The following FLVCR2 variants were observed in gnomAD, a reference collection of about 807,000 sequenced individuals.
FLVCR2 encodes choline/ethanolamine transporter FLVCR2.
FLVCR2 carries 38 observed loss-of-function variants against 48.9 expected under a neutral mutation model. The observed-to-expected ratio is 0.78, with a 90% confidence interval of 0.60 to 1.02. FLVCR2 has a LOEUF of 1.02. Ranked by LOEUF, FLVCR2 falls within the 50% of genes least tolerant of loss-of-function variation. The pLI, the probability that FLVCR2 is intolerant of heterozygous loss-of-function variation, is 0.00. For missense variants in FLVCR2, 664 were observed against 663.3 expected, an observed-to-expected ratio of 1.00 and a Z score of -0.01; for synonymous variants, 255 against 257.0, an observed-to-expected ratio of 0.99 and a Z score of 0.07.
At chr14:75,613,175 A>G (rs2140029003) in intron 1 of FLVCR2, among the ~76,000 whole-genome samples, 1 of 152,296 alleles carries the variant, frequency 6.6e-6, no homozygotes, top group East Asian at 1.9e-4. Context: ...CTATAAAGGA[A>G]TATCTGAGGC....
chr14:75,632,526 G>A (rs192438092), intron 3 of FLVCR2: 6 of 668,446 alleles, frequency 9.0e-6, no homozygotes, highest in South Asian at 4.8e-5. Context: ...AAGCCAGGGT[G>A]GTTGCCATAC....
At chr14:75,593,976 T>C (rs1888955729) in intron 1 of FLVCR2, among the ~76,000 whole-genome samples, 1 of 152,268 alleles carries the variant, frequency 6.6e-6, no homozygotes, top group African/African-American at 2.4e-5. Flanking sequence ...TTTTACTATA[T>C]GTGCTTCAAA....
At chr14:75,581,333 T>A (rs1319168118) in intron 1 of FLVCR2, among the ~76,000 whole-genome samples, 2 of 152,200 alleles carry the variant, frequency 1.3e-5, no homozygotes, top group Non-Finnish European at 2.9e-5. Flanking sequence ...GCATAATTAC[T>A]TGTTTGTTTG....
chr14:75,598,153 T>C lies in FLVCR2; in HGVS notation c.669+18512T>C, dbSNP rs140178752. 2.2e-4 allele frequency among the ~76,000 whole-genome samples: 34 copies of C among 152,006 alleles called. No individual in the cohort carries two copies. The East Asian group carries it at 6.0e-3, about 27-fold the overall frequency. ...AGCCACTGCACCCAGCTGGTCAGGG[T>C]TGATTTATGATACGTTTGCTGTAAG... On this transcript the variant is annotated intron_variant, in intron 1 of 9. Coordinates refer to ENST00000238667, the MANE Select transcript of FLVCR2 (RefSeq NM_017791.3).
chr14:75,646,768 G>C lies in FLVCR2; in HGVS notation c.*296G>C. On this transcript the variant is annotated 3_prime_UTR_variant, in exon 10 of 10. Coordinates refer to ENST00000238667, the MANE Select transcript of FLVCR2 (RefSeq NM_017791.3). ...AGAATATTGGAGTCAATCCTAGCTT[G>C]GTCTCTTGCCTTCCCTCTTTTCCTC... The C allele has an allele frequency of 2.4e-6, 1 of 420,104 alleles. No individual in the cohort carries two copies. Among genetic ancestry groups the C allele is most frequent in the Admixed American group, 3.5e-5 (1 of 28,690 alleles). 26.0% of individuals were successfully genotyped at this position (420,104 alleles called of 1,614,324 possible).
At chr14:75,639,115 G>A (rs1890239366) in intron 5 of FLVCR2, among the ~76,000 whole-genome samples, 2 of 152,200 alleles carry the variant, frequency 1.3e-5, no homozygotes, top group Non-Finnish European at 2.9e-5. Context: ...GCAGGCTGAG[G>A]CACAAGAATT....
rs1350229995 is a variant in FLVCR2, at chr14:75,647,833, T to G, written c.*1361T>G. On this transcript the variant is annotated 3_prime_UTR_variant, in exon 10 of 10. Transcript: ENST00000238667. ...GGGCAGCCTGTGCTGGCTGCAATAC[T>G]GTGGTGCTTGGGCCACTGCCTGAGA... 2.0e-5 allele frequency: 3 copies of G among 152,856 alleles called. No homozygotes were observed. Among genetic ancestry groups the G allele is most frequent in the Admixed American group, 6.5e-5 (1 of 15,286 alleles). The allele number at this position is 152,856 out of a possible 1,614,324, so 9.5% of individuals were successfully genotyped here. A position where few individuals can be genotyped will look rare whatever the true frequency, so the allele number is the denominator to read the frequency against.
intron 1 of FLVCR2, among the ~76,000 whole-genome samples, chr14:75,592,586 A>G (rs891711449): frequency 6.6e-6 from 1 of 152,208 alleles, no homozygotes; most frequent in Non-Finnish European, 1.5e-5. Flanking sequence ...CAAATTTTCT[A>G]AATTTTAATG....
chr14:75,587,334 G>A (rs904931455), intron 1 of FLVCR2, among the ~76,000 whole-genome samples: 4 of 151,960 alleles, frequency 2.6e-5, no homozygotes, highest in Admixed American at 6.6e-5. Flanking sequence ...AAAAAAAAAA[G>A]AAAAGGCAGA....
intron 1 of FLVCR2, among the ~76,000 whole-genome samples, chr14:75,581,658 G>C (rs1233650828): frequency 6.6e-6 from 1 of 152,200 alleles, no homozygotes; most frequent in Non-Finnish European, 1.5e-5. Context: ...CCCATCCAGT[G>C]AAAGTGTCTA....
intron 1 of FLVCR2, among the ~76,000 whole-genome samples, chr14:75,616,058 T>G (rs8012170): frequency 0.63 from 85,460 of 135,828 alleles, 28,680 homozygotes; most frequent in Non-Finnish European, 0.74. Flanking sequence ...ATAGCGTAAG[T>G]CCAGTTATGG....
chr14:75,603,939 C>T (rs1889226881), intron 1 of FLVCR2, among the ~76,000 whole-genome samples: 1 of 152,198 alleles, frequency 6.6e-6, no homozygotes, highest in African/African-American at 2.4e-5. Context: ...GAGCAAGGCC[C>T]TGGGCATAGC....
intron 2 of FLVCR2, among the ~76,000 whole-genome samples, chr14:75,624,142 G>T (rs190812165): frequency 2.6e-5 from 4 of 151,976 alleles, no homozygotes; most frequent in African/African-American, 9.7e-5. Context: ...CATGCAAATC[G>T]CTTGAGCTCA....
chr14:75,646,229 A>G (rs962675130), intron 9 of FLVCR2, among the ~76,000 whole-genome samples, 172 bp from the exon 10 acceptor site: 6 of 151,964 alleles, frequency 3.9e-5, no homozygotes, highest in Non-Finnish European at 7.4e-5. Flanking sequence ...GGGTGCATTT[A>G]TGGCAGGGGC....
chr14:75,610,877 T>TA (rs1410960660), intron 1 of FLVCR2, among the ~76,000 whole-genome samples: 2 of 152,234 alleles, frequency 1.3e-5, no homozygotes, highest in Non-Finnish European at 1.5e-5. Context: ...GTTAAACTCT[T>TA]ACAATGCAGC....
intron 1 of FLVCR2, among the ~76,000 whole-genome samples, chr14:75,602,860 G>A (rs898752265): frequency 6.6e-6 from 1 of 152,088 alleles, no homozygotes; most frequent in Non-Finnish European, 1.5e-5. Context: ...CCAAGCAAAC[G>A]AACAAAAGAT....
At chr14:75,626,355 G>A (rs1889900872) in intron 3 of FLVCR2, among the ~76,000 whole-genome samples, 1 of 151,846 alleles carries the variant, frequency 6.6e-6, no homozygotes, top group Non-Finnish European at 1.5e-5. Flanking sequence ...TTGTGCCAGA[G>A]TTTCATTTTA....
At chr14:75,604,892 G>A (rs1040457754) in intron 1 of FLVCR2, among the ~76,000 whole-genome samples, 1 of 152,156 alleles carries the variant, frequency 6.6e-6, no homozygotes, top group Admixed American at 6.5e-5. Context: ...CAATATGGGT[G>A]CAGGAAGTTG....
intron 1 of FLVCR2, among the ~76,000 whole-genome samples, chr14:75,608,789 C>T (rs2058246738): frequency 6.6e-6 from 1 of 152,168 alleles, no homozygotes; most frequent in South Asian, 2.1e-4. Context: ...CATTGTCTTC[C>T]CTGGGTATGG....
Sources: gnomAD v4.1 joint callset for allele counts (sites outside exome capture counted in the v4.1 genomes callset) on GRCh38, gnomAD v4.1.1 for gene constraint, MANE v1.5 for transcripts, NCBI Gene and HGNC (gene_info 2026-07-23, HGNC 2026-07-21) for gene names.